Variants in LRRC27 observed in about 807,000 individuals in gnomAD.
The protein encoded by LRRC27 is leucine-rich repeat-containing protein 27.
A neutral mutation model predicts 55.0 loss-of-function variants in LRRC27; 57 were observed. That is an observed-to-expected ratio of 1.04 (90% confidence interval 0.84 to 1.29). The LOEUF is 1.29. Among genes scored for constraint, LRRC27 ranks in the 50% most tolerant of loss-of-function variants. LRRC27 has a pLI of 0.00. For missense variants in LRRC27, 721 were observed against 651.5 expected (o/e 1.11, Z -1.16); for synonymous variants, 278 against 251.9 (o/e 1.10, Z -0.98).
chr10:132,354,985 G>A (rs966160865), intron 7 of LRRC27, among the ~76,000 whole-genome samples: 1 of 152,238 alleles, frequency 6.6e-6, no homozygotes, highest in Non-Finnish European at 1.5e-5. Context: ...GGCGTTACTC[G>A]GGACGTTCGC....
intron 3 of LRRC27, among the ~76,000 whole-genome samples, chr10:132,339,084 AG>A (rs2067268850): frequency 2.0e-5 from 3 of 152,040 alleles, no homozygotes; most frequent in Non-Finnish European, 4.4e-5. Flanking sequence ...CCCATGCAGG[AG>A]GGGCAGCCTG....
In LRRC27 at chr10:132,337,158, G is replaced by A. The variant is rs1269538814; in HGVS notation, c.211-407G>A. The A allele has an allele frequency of 2.5e-6, 3 of 1,188,768 alleles. No homozygotes were observed. The East Asian group carries it at 1.6e-4, about 65-fold the overall frequency. The allele number at this position is 1,188,768 out of a possible 1,614,324, so 73.6% of individuals were successfully genotyped here. Reference sequence around the variant, plus strand: ...AGTCCCCCAGACCAGACATGGCTCTGGCTATTTGCTCAGTAAGCAGGCGAT... The same window carrying A: ...AGTCCCCCAGACCAGACATGGCTCTAGCTATTTGCTCAGTAAGCAGGCGAT... On this transcript the variant is annotated intron_variant, in intron 2 of 10. Transcript: ENST00000368614.
chr10:132,341,240 C>T (rs1040049994), intron 3 of LRRC27, among the ~76,000 whole-genome samples: 1 of 151,808 alleles, frequency 6.6e-6, no homozygotes, highest in Non-Finnish European at 1.5e-5. Context: ...CATGGTGGTA[C>T]ACACCGTTAG....
chr10:132,361,326 C>T (rs1000894981), intron 8 of LRRC27, 131 bp from the exon 9 acceptor site: 28 of 755,590 alleles, frequency 3.7e-5, no homozygotes, highest in African/African-American at 2.9e-4. Context: ...GCACAGGGAC[C>T]GTCTACCCGG....
rs1172642531 is a variant in LRRC27 at position 132,343,551 on chromosome 10, G to A, written c.401-947G>A. ...AGATAATACAGAGTCACTTGCCACA[G>A]GATTTGATAAGGAAACGAATTTCAT... On this transcript the variant is annotated intron_variant, in intron 4 of 10. Coordinates refer to ENST00000368614, the MANE Select transcript of LRRC27 (RefSeq NM_030626.3). Among the ~76,000 whole-genome samples, 3 of 152,222 alleles carry A rather than the reference G, an allele frequency of 2.0e-5. No homozygotes were observed. The East Asian group carries it at 5.8e-4, about 29-fold the overall frequency.
chr10:132,337,317 G>A (rs958153223), intron 2 of LRRC27: 30 of 1,308,666 alleles, frequency 2.3e-5, no homozygotes, highest in African/African-American at 3.0e-5. Context: ...GTCAGCAGCA[G>A]AGTGCCGGCT....
intron 5 of LRRC27, 190 bp downstream of exon 5, chr10:132,344,840 T>A (rs1768358697): frequency 7.5e-6 from 4 of 530,640 alleles, no homozygotes; most frequent in African/African-American, 3.7e-5. Flanking sequence ...TCCTTGGTTC[T>A]ATAAATCTGG....
At chr10:132,346,565 A>G (rs892283329) in intron 5 of LRRC27, among the ~76,000 whole-genome samples, 10 of 152,190 alleles carry the variant, frequency 6.6e-5, no homozygotes, top group Non-Finnish European at 1.2e-4. Flanking sequence ...AGTCCCAGCT[A>G]CTTGGGAGGC....
rs1212252692 is a variant in LRRC27, at chr10:132,378,832, G to A, written c.*3590G>A. Reference sequence around the variant, plus strand: ...CAGGCTTCCTGGTGAGCCTCAGGGAGTGCATGGTCTCAGATGCCATCCTTC... The same window carrying A: ...CAGGCTTCCTGGTGAGCCTCAGGGAATGCATGGTCTCAGATGCCATCCTTC... On this transcript the variant is annotated 3_prime_UTR_variant, in exon 11 of 11. Coordinates refer to ENST00000368614, the MANE Select transcript of LRRC27 (RefSeq NM_030626.3). 6.5e-6 allele frequency: 1 copy of A among 154,096 alleles called. No homozygotes were observed. The highest frequency in any genetic ancestry group is 2.4e-5 in the African/African-American group (1 of 41,488). 9.5% of individuals were successfully genotyped at this position (154,096 alleles called of 1,614,324 possible). A position where few individuals can be genotyped will look rare whatever the true frequency, so the allele number is the denominator to read the frequency against.
chr10:132,366,956 C>T (rs2069109513), intron 10 of LRRC27: 1 of 1,280,904 alleles, frequency 7.8e-7, no homozygotes, highest in South Asian at 1.3e-5. Flanking sequence ...CTCCTCAGCC[C>T]AAGGAGTTTG....
chr10:132,341,913 G>C (rs915587479), intron 3 of LRRC27, among the ~76,000 whole-genome samples: 4 of 152,206 alleles, frequency 2.6e-5, no homozygotes, highest in Admixed American at 1.3e-4. Context: ...TGTCACGCCT[G>C]GGGGTGGGTG....
At chr10:132,370,667 C>G (rs2069191990) in intron 10 of LRRC27, among the ~76,000 whole-genome samples, 1 of 152,208 alleles carries the variant, frequency 6.6e-6, no homozygotes, top group Non-Finnish European at 1.5e-5. Context: ...ATGGCAGGCT[C>G]CGTGCCGCCT....
At chr10:132,331,961 C>T, upstream of LRRC27, 1 of 525,056 alleles carries the variant, frequency 1.9e-6, no homozygotes, top group Non-Finnish European at 3.2e-6. Context: ...GCAGGCGCAC[C>T]ACACCCCGCC....
chr10:132,340,168 C>T (rs946305544), intron 3 of LRRC27, among the ~76,000 whole-genome samples: 4 of 152,124 alleles, frequency 2.6e-5, no homozygotes, highest in Admixed American at 1.3e-4. Context: ...TCAACGTTTA[C>T]GTTTATATAT....
chr10:132,370,889 C>T (rs1301716565), intron 10 of LRRC27, among the ~76,000 whole-genome samples: 3 of 152,324 alleles, frequency 2.0e-5, no homozygotes, highest in Admixed American at 2.0e-4. Flanking sequence ...ATCATGCCAG[C>T]CCTCCCTGCA....
At chr10:132,341,086 A>G (rs1354635970) in intron 3 of LRRC27, among the ~76,000 whole-genome samples, 3 of 152,198 alleles carry the variant, frequency 2.0e-5, no homozygotes, top group Non-Finnish European at 4.4e-5. Flanking sequence ...ACTTGAGCCC[A>G]GGAGTTCAAA....
rs952367279 is a variant in LRRC27 at position 132,376,176 on chromosome 10, G to T, written c.*934G>T. On this transcript the variant is annotated 3_prime_UTR_variant, in exon 11 of 11. Coordinates refer to ENST00000368614, the MANE Select transcript of LRRC27 (RefSeq NM_030626.3). ...TAATAATGTCCCCTCTTTTATTCTT[G>T]ACCTGGTGTTCTTCATCATTCTTGC... is the stretch of plus-strand genomic sequence containing the variant. 1 of 151,994 alleles carries T rather than the reference G, an allele frequency of 6.6e-6. No homozygotes were observed. The highest frequency in any genetic ancestry group is 6.6e-5 in the Admixed American group (1 of 15,264). The allele number at this position is 151,994 out of a possible 1,614,324, so 9.4% of individuals were successfully genotyped here.
chr10:132,363,863 A>T (rs1195922773), intron 9 of LRRC27, among the ~76,000 whole-genome samples: 1 of 152,072 alleles, frequency 6.6e-6, no homozygotes, highest in Non-Finnish European at 1.5e-5. Flanking sequence ...GTTCCTGCAG[A>T]ATTTGTTCCT....
rs900128569 is a variant in LRRC27, at chr10:132,332,207, G to C, written c.-98G>C. The C allele has an allele frequency of 7.1e-5, 11 of 155,262 alleles. No homozygotes were observed. The highest frequency in any genetic ancestry group is 2.6e-4 in the African/African-American group (11 of 41,562). The allele number at this position is 155,262 out of a possible 1,614,324, so 9.6% of individuals were successfully genotyped here. ...GGGTGGCCTCCATTGTCGGGCTGCTGCTCTCAGCGGCGGGGCTCGCCAGCG... is the reference window on the plus strand; with the variant it reads ...GGGTGGCCTCCATTGTCGGGCTGCTCCTCTCAGCGGCGGGGCTCGCCAGCG... On this transcript the variant is annotated 5_prime_UTR_variant, in exon 1 of 11. Transcript: ENST00000368614.
Sources: allele counts gnomAD v4.1 joint callset (sites outside exome capture counted in the v4.1 genomes callset), GRCh38; gene constraint gnomAD v4.1.1; transcripts MANE v1.5; gene names NCBI Gene and HGNC (gene_info 2026-07-23, HGNC 2026-07-21).